Variants in SCN9A observed in about 807,000 individuals in gnomAD.
The protein encoded by SCN9A is sodium channel protein type 9 subunit alpha.
SCN9A carries 131 observed loss-of-function variants against 187.0 expected under a neutral mutation model. The observed-to-expected ratio is 0.70, with a 90% CI of 0.61 to 0.81. The LOEUF is 0.81. SCN9A is among the 30% of genes least tolerant of loss of function. SCN9A has a pLI of 0.00. For missense variants in SCN9A, 2,252 were observed against 2,396.6 expected (o/e 0.94, Z 1.26); for synonymous variants, 809 against 808.6 (o/e 1.00, Z -0.01).
chr2:166,323,450 C>G (rs1171523993), intron 1 of SCN9A, among the ~76,000 whole-genome samples: 5 of 152,118 alleles, frequency 3.3e-5, no homozygotes, highest in Non-Finnish European at 7.4e-5. Context: ...TAGGGAAAAT[C>G]TATAGGATGA....
chr2:166,292,397 G>A (rs960225649), intron 9 of SCN9A, among the ~76,000 whole-genome samples: 1 of 151,638 alleles, frequency 6.6e-6, no homozygotes, highest in African/African-American at 2.4e-5. Flanking sequence ...TTGAGTAAAG[G>A]TGACCACTTC....
chr2:166,335,898 T>G (rs1029615539), intron 1 of SCN9A, among the ~76,000 whole-genome samples: 1 of 152,122 alleles, frequency 6.6e-6, no homozygotes, highest in Admixed American at 6.6e-5. Context: ...TCTGAGCATG[T>G]ACAGAGTTTT....
rs200070962 is a variant in SCN9A at position 166,203,996 on chromosome 2, C to T, written c.4733G>A (p.Trp1578Ter). 14 of 1,599,548 alleles carry T rather than the reference C, an allele frequency of 8.8e-6. No homozygotes were observed. Among genetic ancestry groups the T allele is most frequent in the African/African-American group, 1.3e-5 (1 of 74,690 alleles). Residue 1578 changes from tryptophan to a stop codon, truncating the protein, a stop_gained, in exon 26 of 27, where the codon TGG becomes TAG. Coordinates refer to ENST00000642356, the MANE Select transcript of SCN9A (RefSeq NM_001365536.1). LOFTEE classifies it high-confidence loss of function. ...SLRHYYFTVG[W>*]NIFDFVVVII... is the part of the protein sequence containing the mutation. ...CACAACCACAAAATCAAAAATATTCCATCCTACAGTGAAGTAGTAGTGTCT... is the reference window on the plus strand; with the variant it reads ...CACAACCACAAAATCAAAAATATTCTATCCTACAGTGAAGTAGTAGTGTCT...
At chr2:166,288,845 C>T (rs1422341072) in intron 9 of SCN9A, among the ~76,000 whole-genome samples, 1 of 152,046 alleles carries the variant, frequency 6.6e-6, no homozygotes, top group African/African-American at 2.4e-5. Flanking sequence ...TATGCTTGTA[C>T]TAAAGTCATG....
chr2:166,262,813 T>C (rs947191022), intron 17 of SCN9A, among the ~76,000 whole-genome samples: 1 of 152,000 alleles, frequency 6.6e-6, no homozygotes, highest in African/African-American at 2.4e-5. Context: ...AAGGGGCTAC[T>C]GTATACATTT....
intron 17 of SCN9A, 45 bp downstream of exon 17, chr2:166,272,354 T>C (rs1697027555): frequency 8.4e-7 from 1 of 1,190,060 alleles, no homozygotes; most frequent in Non-Finnish European, 1.2e-6. Context: ...ATTCATTTCA[T>C]ACTAATTGTT....
intron 1 of SCN9A, among the ~76,000 whole-genome samples, chr2:166,336,514 GGAATGCCCC>G (rs1699631964): frequency 6.6e-6 from 1 of 152,064 alleles, no homozygotes; most frequent in African/African-American, 2.4e-5. Flanking sequence ...AGTTCCTATA[GGAATGCCCC>G]CAAAATCGAT....
At chr2:166,225,449 T>A (rs1274358074) in intron 24 of SCN9A, among the ~76,000 whole-genome samples, 1 of 152,134 alleles carries the variant, frequency 6.6e-6, no homozygotes, top group Non-Finnish European at 1.5e-5. Context: ...TTTAATAGAG[T>A]ACAAGATACA....
At chr2:166,349,146 CAA>C in intron 1 of SCN9A, among the ~76,000 whole-genome samples, 1 of 151,790 alleles carries the variant, frequency 6.6e-6, no homozygotes, top group African/African-American at 2.4e-5. Flanking sequence ...AACAAACAAA[CAA>C]ACAAACAAAA....
chr2:166,293,651 C>T (rs1698177134), intron 8 of SCN9A, among the ~76,000 whole-genome samples: 1 of 152,090 alleles, frequency 6.6e-6, no homozygotes, highest in African/African-American at 2.4e-5. Context: ...AGCTTACATC[C>T]TGCACATAGA....
chr2:166,304,154 G>GAC (rs371397187), intron 6 of SCN9A, 84 bp downstream of exon 6: 1 of 1,611,490 alleles, frequency 6.2e-7, no homozygotes, highest in South Asian at 1.1e-5. Flanking sequence ...ACACAGTGAC[G>GAC]ACACACACAC....
chr2:166,247,652 G>C (rs1188650536), intron 18 of SCN9A, among the ~76,000 whole-genome samples: 7 of 152,034 alleles, frequency 4.6e-5, no homozygotes, highest in Admixed American at 3.3e-4. Flanking sequence ...GAGTAGCTGG[G>C]ACTACAGGCG....
rs6746030 is a variant in SCN9A, at chr2:166,242,648, A to G, written c.3481T>C (p.Trp1161Arg). The change falls in exon 19 of 27, where the codon TGG becomes CGG. Residue 1161 changes from tryptophan (W) to arginine (R), a missense_variant. Trp to Arg is a moderately radical substitution (Grantham distance 101, BLOSUM62 -3). Around this residue, in one of 7 missense-constraint regions of SCN9A, gnomAD observed 313 missense variants for 295.3 expected, o/e 1.06. Transcript: ENST00000642356. ...PEACFTDGCV[W>R]RFSCCQVNIE... ...TTAACTTGGCAGCATGAGAACCTCC[A>G]TACACAACCTGACAAGAAAGACATG... The G allele has an allele frequency of 0.87, 1,348,778 of 1,548,672 alleles. 587,761 individuals carry two copies. The highest frequency in any genetic ancestry group is 0.95 in the East Asian group (38,882 of 40,914).
rs1195895492 is a variant in SCN9A at position 166,290,810 on chromosome 2, A to G, written c.1108-2167T>C. Among the ~76,000 whole-genome samples the G allele has an allele frequency of 4.6e-5, 7 of 152,314 alleles. No individual in the cohort carries two copies. The East Asian group carries it at 1.3e-3, about 29-fold the overall frequency. On this transcript the variant is annotated intron_variant, in intron 9 of 26. Transcript: ENST00000642356. ...TCAATAAATGTAATCCATCACATAA[A>G]CAGAACCAATGACAAAAACCACATG...
intron 1 of SCN9A, among the ~76,000 whole-genome samples, chr2:166,324,157 G>A (rs148622242): frequency 4.0e-5 from 6 of 151,858 alleles, no homozygotes; most frequent in Non-Finnish European, 8.8e-5. Flanking sequence ...AGCCAGGTGT[G>A]GTGTGGGCGC....
intron 1 of SCN9A, among the ~76,000 whole-genome samples, chr2:166,369,600 A>T (rs554199061): frequency 6.6e-6 from 1 of 152,302 alleles, no homozygotes; most frequent in South Asian, 2.1e-4. Flanking sequence ...CAAATTCATC[A>T]CTTCAACTTT....
chr2:166,292,542 G>T (rs1242017609), intron 9 of SCN9A, among the ~76,000 whole-genome samples: 1 of 151,922 alleles, frequency 6.6e-6, no homozygotes, highest in Non-Finnish European at 1.5e-5. Context: ...AAACAGATCT[G>T]CAGCTATTCT....
rs1435351744 is a variant in SCN9A, at chr2:166,199,853, C to A, written c.4786G>T (p.Ala1596Ser). The A allele has an allele frequency of 6.2e-7, 1 of 1,613,166 alleles. No individual in the cohort carries two copies. The highest frequency in any genetic ancestry group is 1.3e-5 in the African/African-American group (1 of 74,722). The change falls in exon 27 of 27, where the codon GCT becomes TCT. Residue 1596 changes from alanine to serine, a missense_variant. Physicochemically the swap from Ala to Ser is moderately conservative, Grantham distance 99 (BLOSUM62 1). Around this residue, in one of 7 missense-constraint regions of SCN9A, gnomAD observed 368 missense variants for 408.6 expected, o/e 0.90. Transcript: ENST00000642356. ...ACAAAATACGTTTCAATCAAATCAG[C>A]TAGAAACATACCTGTATGTGGAGGA... ...VIISIVGMFL[A>S]DLIETYFVSP... is the part of the protein sequence containing the mutation.
At chr2:166,336,125 G>T (rs1167395179) in intron 1 of SCN9A, among the ~76,000 whole-genome samples, 4 of 152,042 alleles carry the variant, frequency 2.6e-5, no homozygotes, top group Non-Finnish European at 5.9e-5. Flanking sequence ...AGGGACAATT[G>T]TAATTGTAAT....
Sources: allele counts gnomAD v4.1 joint callset (sites outside exome capture counted in the v4.1 genomes callset), GRCh38; gene constraint gnomAD v4.1.1; regional missense constraint gnomAD v4.1.1; transcripts MANE v1.5; gene names NCBI Gene and HGNC (gene_info 2026-07-23, HGNC 2026-07-21).